Variants in SCARA5 observed in about 807,000 individuals in gnomAD.
SCARA5 encodes the protein scavenger receptor class A, member 5 (putative).
A neutral mutation model predicts 46.3 loss-of-function variants in SCARA5; 45 were observed. That is an observed-to-expected ratio of 0.97 (90% CI 0.76 to 1.24). SCARA5 has a LOEUF of 1.24. SCARA5 is among the 50% of genes most tolerant of loss of function. The pLI, the probability that SCARA5 is intolerant of heterozygous loss-of-function variation, is 0.00. For synonymous variants in SCARA5, 333 were observed against 306.5 expected, an observed-to-expected ratio of 1.09 and a Z score of -0.90; for missense variants, 680 against 689.0, an observed-to-expected ratio of 0.99 and a Z score of 0.15.
intron 2 of SCARA5, among the ~76,000 whole-genome samples, chr8:27,968,359 A>C (rs1563541360): frequency 6.6e-6 from 1 of 152,220 alleles, no homozygotes; most frequent in Non-Finnish European, 1.5e-5. Flanking sequence ...TCATCCTTAC[A>C]TTAGCAAGTT....
intron 3 of SCARA5, among the ~76,000 whole-genome samples, chr8:27,935,117 A>G (rs1807833809): frequency 6.6e-6 from 1 of 152,212 alleles, no homozygotes; most frequent in Non-Finnish European, 1.5e-5. Flanking sequence ...GAACCTCCAG[A>G]AGCAACCAAG....
chr8:27,871,792 T>C lies in SCARA5; in HGVS notation c.*142A>G. The C allele has an allele frequency of 6.6e-7, 1 of 1,516,170 alleles. No homozygotes were observed. The allele number at this position is 1,516,170 out of a possible 1,614,324, so 93.9% of individuals were successfully genotyped here. A position where few individuals can be genotyped will look rare whatever the true frequency, so the allele number is the denominator to read the frequency against. ...GGGAAATGACGACCGGCCCCCACGG[T>C]CCTGGGATGCAGGTGTGAGGACTGA... On this transcript the variant is annotated 3_prime_UTR_variant, in exon 9 of 9. Coordinates refer to ENST00000354914, the MANE Select transcript of SCARA5 (RefSeq NM_173833.6).
chr8:27,922,119 T>A lies in SCARA5; in HGVS notation c.368A>T (p.Glu123Val). 6.2e-7 allele frequency: 1 copy of A among 1,605,916 alleles called. No homozygotes were observed. Among genetic ancestry groups the A allele is most frequent in the Non-Finnish European group, 8.5e-7 (1 of 1,177,038 alleles). The change falls in exon 4 of 9, where the codon GAG becomes GTG. Residue 123 changes from glutamate (E) to valine (V), a missense_variant. By Grantham distance (121) the Glu-to-Val change is moderately radical. Transcript: ENST00000354914. Reference protein sequence around the residue: ...LQAPLQADLTEQVWKVQDALQ... With the variant: ...LQAPLQADLTVQVWKVQDALQ... ...CGCGTCCTGCACCTTCCACACCTGC[T>A]CCGTCAGGTCCGCTTGCAGCGGAGC... is the stretch of plus-strand genomic sequence containing the variant.
At chr8:27,939,193 A>G (rs1008001744) in intron 3 of SCARA5, among the ~76,000 whole-genome samples, 1 of 152,220 alleles carries the variant, frequency 6.6e-6, no homozygotes, top group African/African-American at 2.4e-5. Flanking sequence ...CTTGAACATT[A>G]AATGTATATG....
intron 5 of SCARA5, 77 bp downstream of exon 5, chr8:27,909,586 T>C: frequency 1.9e-6 from 2 of 1,066,338 alleles, no homozygotes; most frequent in Middle Eastern, 2.0e-4. Context: ...GCCCTGGCAT[T>C]TATACCATCA....
chr8:27,930,551 C>A (rs184655827), intron 3 of SCARA5, among the ~76,000 whole-genome samples: 1 of 152,106 alleles, frequency 6.6e-6, no homozygotes, highest in South Asian at 2.1e-4. Flanking sequence ...TACAGGCATG[C>A]GCCACCATGC....
chr8:27,901,182 C>T (rs1585474238), intron 7 of SCARA5, among the ~76,000 whole-genome samples: 1 of 152,202 alleles, frequency 6.6e-6, no homozygotes, highest in African/African-American at 2.4e-5. Flanking sequence ...AGGGAAAACC[C>T]CCAACTTCCA....
chr8:27,900,463 T>C (rs1306194938), intron 7 of SCARA5, among the ~76,000 whole-genome samples: 1 of 152,206 alleles, frequency 6.6e-6, no homozygotes, highest in African/African-American at 2.4e-5. Flanking sequence ...CCAGACTTAC[T>C]TCCCTAAATA....
In SCARA5 at chr8:27,982,727, C is replaced by T. The variant is rs139323438; in HGVS notation, c.112+4777G>A. ...TAAAGGCATCAGAGAGCAAGGGGTACCTGCGGGGCCTTGAAGGATGCAGGG... is the reference window on the plus strand; with the variant it reads ...TAAAGGCATCAGAGAGCAAGGGGTATCTGCGGGGCCTTGAAGGATGCAGGG... On this transcript the variant is annotated intron_variant, in intron 2 of 8. Transcript: ENST00000354914. Among the ~76,000 whole-genome samples the T allele has an allele frequency of 7.2e-3, 1,102 of 152,238 alleles. 10 individuals are homozygous for T. The highest frequency in any genetic ancestry group is 0.036 in the South Asian group (175 of 4,814).
chr8:27,898,101 C>A (rs1174109174), intron 7 of SCARA5, among the ~76,000 whole-genome samples: 1 of 152,364 alleles, frequency 6.6e-6, no homozygotes, highest in East Asian at 1.9e-4. Flanking sequence ...GTCCCTGACT[C>A]GCAGGCGCCT....
At chr8:27,886,223 G>A (rs1806892992) in intron 7 of SCARA5, 1 of 152,458 alleles carries the variant, frequency 6.6e-6, no homozygotes, top group African/African-American at 2.4e-5. Flanking sequence ...AGATCCCCTA[G>A]ACTCAGGGCT....
chr8:27,980,099 G>C (rs1808590747), intron 2 of SCARA5, among the ~76,000 whole-genome samples: 1 of 152,190 alleles, frequency 6.6e-6, no homozygotes, highest in African/African-American at 2.4e-5. Flanking sequence ...AGACCAGCTA[G>C]AGCGATGGTA....
chr8:27,901,397 T>C (rs1807151455), intron 7 of SCARA5, among the ~76,000 whole-genome samples: 1 of 152,082 alleles, frequency 6.6e-6, no homozygotes, highest in Non-Finnish European at 1.5e-5. Context: ...GGAGGGTAGC[T>C]CTCCGGTGCT....
intron 7 of SCARA5, among the ~76,000 whole-genome samples, chr8:27,884,115 A>T (rs1229390157): frequency 6.6e-6 from 1 of 152,200 alleles, no homozygotes; most frequent in Non-Finnish European, 1.5e-5. Flanking sequence ...CCCAGGAATG[A>T]TGCTAAAGAC....
intron 2 of SCARA5, among the ~76,000 whole-genome samples, chr8:27,981,349 C>A (rs936571106): frequency 6.6e-5 from 10 of 152,164 alleles, no homozygotes; most frequent in African/African-American, 2.4e-4. Context: ...CCCAAAGGGT[C>A]AGGGATGGGA....
At position 27,987,526 on chromosome 8, in the gene SCARA5, G is replaced by T; in HGVS notation, c.90C>A (p.Ser30=). 1 of 1,613,518 alleles carries T rather than the reference G, an allele frequency of 6.2e-7. No homozygotes were observed. Among genetic ancestry groups the T allele is most frequent in the Non-Finnish European group, 8.5e-7 (1 of 1,179,520 alleles). The change falls in exon 2 of 9, where the codon TCC becomes TCA. Residue 30 remains serine, a synonymous_variant. Coordinates refer to ENST00000354914, the MANE Select transcript of SCARA5 (RefSeq NM_173833.6). ...CEDSFDGRSL[S]KLNLCEDGPC... is the part of the protein sequence containing the mutation. ...CACCATCCTCACACAGGTTCAGCTTGGACAGGCTCCTGCCATCAAAGGAAT... is the reference window on the plus strand; with the variant it reads ...CACCATCCTCACACAGGTTCAGCTTTGACAGGCTCCTGCCATCAAAGGAAT...
Position 27,875,140 on chromosome 8 carries a change from C to G in SCARA5, c.1352-3070G>C, listed in dbSNP as rs956619078. 3.3e-5 allele frequency among the ~76,000 whole-genome samples: 5 copies of G among 152,032 alleles called. No individual in the cohort carries two copies. In the East Asian group the frequency reaches 9.7e-4, roughly 29 times the overall value. ...CCTTCCTTCTATTCTTCCTTCCTCG[C>G]TCCCTTCTTTCTTCCTTCCTCTCTC... On this transcript the variant is annotated intron_variant, in intron 8 of 8. Coordinates refer to ENST00000354914, the MANE Select transcript of SCARA5 (RefSeq NM_173833.6).
In SCARA5 at chr8:27,907,160, G is replaced by T. The variant is rs755412172; in HGVS notation, c.1084C>A (p.Arg362Ser). The change falls in exon 6 of 9, where the codon CGT becomes AGT. Residue 362 changes from arginine to serine, a missense_variant. Coordinates refer to ENST00000354914, the MANE Select transcript of SCARA5 (RefSeq NM_173833.6). ...AGATTGTTATTACCTTTGAACCCAC[G>T]CATGCCCATTGGTCCTGTGGCCCCC... is the stretch of plus-strand genomic sequence containing the variant. ...KLGATGPMGM[R>S]GFKGDRGPKG... 6.2e-7 allele frequency: 1 copy of T among 1,612,970 alleles called. No homozygotes were observed. The highest frequency in any genetic ancestry group is 8.5e-7 in the Non-Finnish European group (1 of 1,179,212).
At chr8:27,894,014 C>T (rs1807024436) in intron 7 of SCARA5, among the ~76,000 whole-genome samples, 1 of 152,182 alleles carries the variant, frequency 6.6e-6, no homozygotes, top group Admixed American at 6.5e-5. Flanking sequence ...CCAAACCCAG[C>T]GACAACACAG....
Sources: gnomAD v4.1 joint callset for allele counts (sites outside exome capture counted in the v4.1 genomes callset) on GRCh38, gnomAD v4.1.1 for gene constraint, MANE v1.5 for transcripts, NCBI Gene and HGNC (gene_info 2026-07-23, HGNC 2026-07-21) for gene names.